Variants in LRMDA observed in about 807,000 individuals in gnomAD.
LRMDA encodes the protein leucine rich melanocyte differentiation associated.
In LRMDA, 18 loss-of-function variants were observed where a neutral mutation model predicts 29.8. That is an observed-to-expected ratio of 0.60 (90% CI 0.42 to 0.90). LRMDA has a LOEUF of 0.90. Among genes scored for constraint, LRMDA ranks in the 40% least tolerant of loss-of-function variants. The probability of loss-of-function intolerance (pLI) is 0.00; values close to 1 mark genes in which losing one functional copy is unlikely to be tolerated. For synonymous variants in LRMDA, 125 were observed against 109.4 expected (o/e 1.14, Z -0.89); for missense variants, 273 against 273.9 (o/e 1.00, Z 0.02).
At chr10:75,872,189 C>G (rs902611129) in intron 2 of LRMDA, among the ~76,000 whole-genome samples, 2 of 152,134 alleles carry the variant, frequency 1.3e-5, no homozygotes, top group Non-Finnish European at 2.9e-5. Flanking sequence ...CCCCACAGAT[C>G]TTATGGGTAC....
At chr10:75,528,085 C>A (rs1481065338) in intron 2 of LRMDA, among the ~76,000 whole-genome samples, 1 of 151,996 alleles carries the variant, frequency 6.6e-6, no homozygotes, top group African/African-American at 2.4e-5. Context: ...TGCACCTGGC[C>A]AACAATAGAA....
At chr10:76,043,624 A>G (rs1848377882) in intron 3 of LRMDA, among the ~76,000 whole-genome samples, 1 of 151,968 alleles carries the variant, frequency 6.6e-6, no homozygotes, top group African/African-American at 2.4e-5. Context: ...GAAGGGGCCT[A>G]TGCAAACAAG....
chr10:76,167,068 T>A (rs1850754210), intron 5 of LRMDA, among the ~76,000 whole-genome samples: 1 of 152,248 alleles, frequency 6.6e-6, no homozygotes, highest in Non-Finnish European at 1.5e-5. Flanking sequence ...TCAGTGATGT[T>A]GAGCTTTTTT....
At chr10:75,648,010 T>A (rs1054924066) in intron 2 of LRMDA, among the ~76,000 whole-genome samples, 10 of 132,138 alleles carry the variant, frequency 7.6e-5, no homozygotes, top group Non-Finnish European at 1.5e-4. Context: ...AAATGCTACT[T>A]CTCAGAAAGG....
intron 2 of LRMDA, among the ~76,000 whole-genome samples, chr10:75,562,445 TC>T (rs1396505460): frequency 6.6e-6 from 1 of 152,156 alleles, no homozygotes; most frequent in African/African-American, 2.4e-5. Flanking sequence ...GAGATGGGTT[TC>T]CTGAATACAG....
chr10:75,921,529 A>G (rs1000501460), intron 2 of LRMDA, among the ~76,000 whole-genome samples: 2 of 152,232 alleles, frequency 1.3e-5, no homozygotes, highest in African/African-American at 4.8e-5. Flanking sequence ...TGACTCCCAT[A>G]GGAGACAAAG....
intron 2 of LRMDA, among the ~76,000 whole-genome samples, chr10:75,514,283 T>G (rs1383752713): frequency 6.6e-6 from 1 of 151,480 alleles, no homozygotes; most frequent in East Asian, 1.9e-4. Context: ...TCCTTCTTCC[T>G]TCCTCCTCCC....
intron 6 of LRMDA, among the ~76,000 whole-genome samples, chr10:76,368,264 C>A (rs1841415023): frequency 6.6e-6 from 1 of 152,152 alleles, no homozygotes; most frequent in Admixed American, 6.6e-5. Context: ...TTAGCACTGC[C>A]TTTGCTGTAT....
Position 75,510,749 on chromosome 10 carries a change from G to C in LRMDA, c.131+72255G>C, listed in dbSNP as rs576260849. ...CTGGAGGCAAGGCTGAAAGAGGTGG[G>C]GGTGTTGGCCATGGAGGCAGAAGAG... On this transcript the variant is annotated intron_variant, in intron 2 of 6. Coordinates refer to ENST00000611255, the MANE Select transcript of LRMDA (RefSeq NM_001305581.2). 6.6e-5 allele frequency among the ~76,000 whole-genome samples: 10 copies of C among 152,288 alleles called. No homozygotes were observed. In the East Asian group the frequency reaches 1.9e-3, roughly 29 times the overall value.
At chr10:76,234,537 A>G (rs192296818) in intron 5 of LRMDA, among the ~76,000 whole-genome samples, 1 of 152,304 alleles carries the variant, frequency 6.6e-6, no homozygotes, top group African/African-American at 2.4e-5. Flanking sequence ...CTCTAGCTAT[A>G]AAAGCCCCAA....
At chr10:76,338,476 A>G (rs1014963933) in intron 6 of LRMDA, among the ~76,000 whole-genome samples, 2 of 152,184 alleles carry the variant, frequency 1.3e-5, no homozygotes, top group Non-Finnish European at 2.9e-5. Context: ...ATAGCAGGCA[A>G]TAATTTGGGC....
intron 5 of LRMDA, among the ~76,000 whole-genome samples, chr10:76,143,898 G>C (rs1474538510): frequency 6.6e-6 from 1 of 152,124 alleles, no homozygotes; most frequent in Admixed American, 6.6e-5. Flanking sequence ...TCCAGTTTCA[G>C]CTTCTACATA....
chr10:75,905,930 GT>G (rs5786198), intron 2 of LRMDA, among the ~76,000 whole-genome samples: 86,562 of 148,918 alleles, frequency 0.58, 27,257 homozygotes, highest in African/African-American at 0.82. Context: ...CTAGCCAAAG[GT>G]TTTTTTTTTC....
At chr10:76,256,867 A>G (rs1589397230) in intron 5 of LRMDA, among the ~76,000 whole-genome samples, 1 of 152,204 alleles carries the variant, frequency 6.6e-6, no homozygotes, top group East Asian at 1.9e-4. Flanking sequence ...TTGGAATATT[A>G]GAGATCACAT....
chr10:76,192,876 T>C (rs1021795876), intron 5 of LRMDA, among the ~76,000 whole-genome samples: 5 of 152,172 alleles, frequency 3.3e-5, no homozygotes, highest in Non-Finnish European at 7.3e-5. Context: ...CAATGTGTTG[T>C]GAAGTTAAAT....
At chr10:75,526,538 T>C (rs1359383917) in intron 2 of LRMDA, among the ~76,000 whole-genome samples, 1 of 152,046 alleles carries the variant, frequency 6.6e-6, no homozygotes, top group Non-Finnish European at 1.5e-5. Flanking sequence ...GACAGTCATA[T>C]TTAATTGTTT....
intron 2 of LRMDA, among the ~76,000 whole-genome samples, chr10:75,635,799 T>G (rs1193393880): frequency 1.3e-5 from 2 of 152,176 alleles, no homozygotes; most frequent in Admixed American, 6.5e-5. Flanking sequence ...GCTATTTTTT[T>G]TTTTTTAAAA....
intron 6 of LRMDA, among the ~76,000 whole-genome samples, chr10:76,369,781 C>G (rs1841431837): frequency 6.6e-6 from 1 of 152,038 alleles, no homozygotes; most frequent in South Asian, 2.1e-4. Flanking sequence ...AATGCTGCAA[C>G]CTGGGAATTT....
At chr10:76,264,699 A>G (rs1209649536) in intron 5 of LRMDA, among the ~76,000 whole-genome samples, 3 of 152,180 alleles carry the variant, frequency 2.0e-5, no homozygotes, top group Non-Finnish European at 4.4e-5. Context: ...AGTACTAAAC[A>G]GAAAGGTACG....
Sources: gnomAD v4.1 joint callset for allele counts (sites outside exome capture counted in the v4.1 genomes callset) on GRCh38, gnomAD v4.1.1 for gene constraint, MANE v1.5 for transcripts, NCBI Gene and HGNC (gene_info 2026-07-23, HGNC 2026-07-21) for gene names.